Variants in DCDC1 observed in about 807,000 individuals in gnomAD.
DCDC1 encodes doublecortin domain containing 1, also known as doublecortin domain-containing protein 1.
A neutral mutation model predicts 178.3 loss-of-function variants in DCDC1; 200 were observed. The observed-to-expected ratio is 1.12, with a 90% CI of 1.00 to 1.26. The LOEUF (loss-of-function observed/expected upper bound fraction) is 1.26. Among genes scored for constraint, DCDC1 ranks in the 50% most tolerant of loss-of-function variants. The probability of loss-of-function intolerance (pLI) is 0.00; values close to 1 mark genes in which losing one functional copy is unlikely to be tolerated. For synonymous variants in DCDC1, 690 were observed against 604.8 expected, an observed-to-expected ratio of 1.14 and a Z score of -2.07; for missense variants, 1,983 against 1,749.2, an observed-to-expected ratio of 1.13 and a Z score of -2.38.
In DCDC1 at chr11:30,888,062, G is replaced by GAAAGAA. The variant is rs1363691155; in HGVS notation, c.5082+4755_5082+4756insTTCTTT. On this transcript the variant is annotated intron_variant, in intron 36 of 38. Coordinates refer to ENST00000684477, the MANE Select transcript of DCDC1 (RefSeq NM_001387274.1). ...AGAAAGAAAGAAAGAAAGAAAGAAA[G>GAAAGAA]AGAGAGAGAGAGAGAGAGAGAGAAA... 4.5e-3 allele frequency among the ~76,000 whole-genome samples: 220 copies of GAAAGAA among 48,678 alleles called. 7 individuals are homozygous for GAAAGAA. The highest frequency in any genetic ancestry group is 0.011 in the Middle Eastern group (1 of 92). 31.9% of individuals were successfully genotyped at this position (48,678 alleles called of 152,430 possible).
At chr11:31,329,760 T>C (rs1176460892) in intron 2 of DCDC1, among the ~76,000 whole-genome samples, 3 of 152,218 alleles carry the variant, frequency 2.0e-5, no homozygotes, top group Non-Finnish European at 4.4e-5. Flanking sequence ...TAGTATTCCA[T>C]GGTGTACATG....
At chr11:31,019,312 G>A (rs908539271) in intron 20 of DCDC1, among the ~76,000 whole-genome samples, 1 of 152,126 alleles carries the variant, frequency 6.6e-6, no homozygotes, top group Admixed American at 6.6e-5. Flanking sequence ...AAAGATGAGC[G>A]CCAAAATGAG....
chr11:31,002,274 T>C (rs550428552), intron 20 of DCDC1, among the ~76,000 whole-genome samples: 1 of 152,344 alleles, frequency 6.6e-6, no homozygotes, highest in South Asian at 2.1e-4. Context: ...TAGATGTCAA[T>C]GTGAATTTGA....
chr11:30,866,962 A>G (rs919766560), intron 38 of DCDC1, among the ~76,000 whole-genome samples: 2 of 152,114 alleles, frequency 1.3e-5, no homozygotes, highest in African/African-American at 4.8e-5. Flanking sequence ...CCTGTGGGGA[A>G]GCAGTAAGAA....
chr11:31,358,589 G>T (rs1951527257), intron 1 of DCDC1, among the ~76,000 whole-genome samples: 1 of 151,846 alleles, frequency 6.6e-6, no homozygotes, highest in African/African-American at 2.4e-5. Context: ...TTGACAAATG[G>T]GATCTCATTA....
chr11:30,883,370 A>T (rs1942863116), intron 36 of DCDC1: 1 of 281,484 alleles, frequency 3.6e-6, no homozygotes, highest in Non-Finnish European at 7.3e-6. Flanking sequence ...AACATTTATA[A>T]TGTCAAGACA....
At chr11:31,088,375 T>A (rs767765756) in intron 17 of DCDC1, among the ~76,000 whole-genome samples, 30 of 152,226 alleles carry the variant, frequency 2.0e-4, no homozygotes, top group Middle Eastern at 3.4e-3. Context: ...TTCTGTTCTT[T>A]GTTCCCCTTT....
intron 17 of DCDC1, among the ~76,000 whole-genome samples, chr11:31,085,363 T>A (rs1957411207): frequency 6.6e-6 from 1 of 152,100 alleles, no homozygotes; most frequent in Non-Finnish European, 1.5e-5. Flanking sequence ...AGTTTATTTA[T>A]GCCCTTTTTT....
At chr11:31,002,210 G>A (rs1951616448) in intron 20 of DCDC1, among the ~76,000 whole-genome samples, 1 of 152,146 alleles carries the variant, frequency 6.6e-6, no homozygotes, top group Admixed American at 6.5e-5. Flanking sequence ...TAATTTGGGA[G>A]GGAAATAATG....
chr11:31,342,717 G>C (rs918392864), intron 1 of DCDC1, among the ~76,000 whole-genome samples: 2 of 152,046 alleles, frequency 1.3e-5, no homozygotes, highest in Non-Finnish European at 2.9e-5. Flanking sequence ...ATCCAGCTGT[G>C]CATAGCAAGG....
chr11:31,166,074 G>C (rs1403197020), intron 9 of DCDC1, among the ~76,000 whole-genome samples: 2 of 152,062 alleles, frequency 1.3e-5, no homozygotes, highest in Non-Finnish European at 2.9e-5. Flanking sequence ...CTACTGTATT[G>C]TGTTTAGCTA....
intron 8 of DCDC1, chr11:31,262,886 CT>C (rs1944887491): frequency 3.6e-6 from 2 of 553,068 alleles, no homozygotes; most frequent in Admixed American, 3.5e-5. Context: ...ACTTGTAATG[CT>C]TCCACATGTT....
intron 2 of DCDC1, among the ~76,000 whole-genome samples, chr11:31,331,692 A>G (rs570512903): frequency 6.6e-6 from 1 of 152,170 alleles, no homozygotes; most frequent in African/African-American, 2.4e-5. Flanking sequence ...ATTGATTTGC[A>G]TATGTTGAAC....
intron 11 of DCDC1, among the ~76,000 whole-genome samples, chr11:31,119,835 C>T (rs539814667): frequency 3.3e-5 from 5 of 151,740 alleles, no homozygotes; most frequent in East Asian, 1.9e-4. Context: ...TGTAAAGAGG[C>T]CTGGGAACTT....
At chr11:31,071,595 TTGTTA>T (rs1204390824) in intron 18 of DCDC1, among the ~76,000 whole-genome samples, 1 of 152,122 alleles carries the variant, frequency 6.6e-6, no homozygotes, top group East Asian at 1.9e-4. Context: ...ATTTTTGTCG[TTGTTA>T]TATTTGTGGT....
At chr11:30,888,060 AAGAGAGAGAG>A (rs59618526) in intron 36 of DCDC1, among the ~76,000 whole-genome samples, 1 of 73,474 alleles carries the variant, frequency 1.4e-5, no homozygotes, top group East Asian at 3.1e-4. Flanking sequence ...GAAAGAAAGA[AAGAGAGAGAG>A]AGAGAGAGAG....
chr11:31,062,660 T>C (rs1955998694), intron 20 of DCDC1, among the ~76,000 whole-genome samples: 1 of 152,202 alleles, frequency 6.6e-6, no homozygotes, highest in South Asian at 2.1e-4. Flanking sequence ...GTTTAAATAA[T>C]AAATTAAATA....
chr11:30,954,596 T>C (rs1180088035), intron 20 of DCDC1, among the ~76,000 whole-genome samples: 1 of 152,224 alleles, frequency 6.6e-6, no homozygotes, highest in Non-Finnish European at 1.5e-5. Context: ...TAAATCAGTA[T>C]TAGCCAATAA....
chr11:31,263,239 A>G (rs1409078250), intron 8 of DCDC1, among the ~76,000 whole-genome samples: 2 of 152,242 alleles, frequency 1.3e-5, no homozygotes, highest in Non-Finnish European at 2.9e-5. Context: ...TCAAGTCTAG[A>G]TAGGGTATTA....
Sources: allele counts gnomAD v4.1 joint callset (sites outside exome capture counted in the v4.1 genomes callset), GRCh38; gene constraint gnomAD v4.1.1; transcripts MANE v1.5; gene names NCBI Gene and HGNC (gene_info 2026-07-23, HGNC 2026-07-21).